The following CACNA2D1 variants were observed in gnomAD, a reference collection of about 807,000 sequenced individuals.
The protein encoded by CACNA2D1 is calcium voltage-gated channel auxiliary subunit alpha2delta 1.
In CACNA2D1, 53 loss-of-function variants were observed where a neutral mutation model predicts 171.5. The observed-to-expected ratio is 0.31, with a 90% CI of 0.25 to 0.39. The LOEUF (loss-of-function observed/expected upper bound fraction) is 0.39, where lower values mean the gene tolerates loss of function less well. Ranked by LOEUF, CACNA2D1 falls within the 10% of genes least tolerant of loss-of-function variation. CACNA2D1 has a pLI of 1.00. For synonymous variants in CACNA2D1, 442 were observed against 443.1 expected, an observed-to-expected ratio of 1.00 and a Z score of 0.03; for missense variants, 903 against 1,299.8, an observed-to-expected ratio of 0.69 and a Z score of 4.69.
intron 4 of CACNA2D1, among the ~76,000 whole-genome samples, chr7:82,158,152 T>C (rs1794559457): frequency 6.6e-6 from 1 of 152,008 alleles, no homozygotes; most frequent in African/African-American, 2.4e-5. Flanking sequence ...TGAGAAATTA[T>C]ATTCTTGCTT....
At chr7:82,375,457 G>A (rs1325682900) in intron 1 of CACNA2D1, among the ~76,000 whole-genome samples, 2 of 152,146 alleles carry the variant, frequency 1.3e-5, no homozygotes, top group Admixed American at 6.6e-5. Context: ...GAGTATGGGG[G>A]TGTAGAAATG....
chr7:81,996,645 GTTAT>G (rs1196154919), intron 19 of CACNA2D1, among the ~76,000 whole-genome samples: 2 of 147,802 alleles, frequency 1.4e-5, no homozygotes, highest in East Asian at 2.0e-4. Context: ...ATCATATAAT[GTTAT>G]TTATTATATA....
rs570995563 is a variant in CACNA2D1 at position 82,097,724 on chromosome 7, G to A, written c.527-12824C>T. Among the ~76,000 whole-genome samples, 128 of 152,260 alleles carry A rather than the reference G, an allele frequency of 8.4e-4. 1 individual carries two copies. In the South Asian group the frequency reaches 0.026, roughly 31 times the overall value. On this transcript the variant is annotated intron_variant, in intron 6 of 38. Transcript: ENST00000356860. ...CCATGAAGTGTATAAGGAAGAATCAGATTTGGGAATCATGTTTCAGTGACA... is the reference window on the plus strand; with the variant it reads ...CCATGAAGTGTATAAGGAAGAATCAAATTTGGGAATCATGTTTCAGTGACA...
At chr7:82,117,237 C>A (rs1789165976) in intron 5 of CACNA2D1, 64 bp from the exon 6 acceptor site, 1 of 1,474,566 alleles carries the variant, frequency 6.8e-7, no homozygotes, top group Non-Finnish European at 9.4e-7. Flanking sequence ...TTCACATGCA[C>A]TTCTTTACTT....
chr7:82,153,765 T>G (rs536909588), intron 4 of CACNA2D1, among the ~76,000 whole-genome samples: 17 of 152,146 alleles, frequency 1.1e-4, no homozygotes, highest in Non-Finnish European at 2.5e-4. Context: ...TGAAAAGTTG[T>G]CAAATTCCTC....
chr7:82,228,218 C>T (rs1048195953), intron 3 of CACNA2D1, among the ~76,000 whole-genome samples: 3 of 152,044 alleles, frequency 2.0e-5, no homozygotes, highest in Non-Finnish European at 4.4e-5. Flanking sequence ...AGGCTTTCTC[C>T]TATTGACTTT....
chr7:81,961,062 T>TCA (rs1170421474), intron 36 of CACNA2D1, among the ~76,000 whole-genome samples: 1 of 151,912 alleles, frequency 6.6e-6, no homozygotes, highest in Non-Finnish European at 1.5e-5. Context: ...TCTGGCACTT[T>TCA]CATAATCTCA....
chr7:82,284,162 A>C (rs1344861869), intron 3 of CACNA2D1, among the ~76,000 whole-genome samples: 1 of 151,366 alleles, frequency 6.6e-6, no homozygotes, highest in Non-Finnish European at 1.5e-5. Flanking sequence ...ACTGTACTCC[A>C]GCCTGGGCAA....
chr7:82,017,855 C>G (rs533983337), intron 12 of CACNA2D1, among the ~76,000 whole-genome samples: 1 of 152,228 alleles, frequency 6.6e-6, no homozygotes, highest in Admixed American at 6.5e-5. Context: ...TTCATCTTAA[C>G]TCTCACTCAA....
At chr7:82,282,557 G>A (rs1000796879) in intron 3 of CACNA2D1, among the ~76,000 whole-genome samples, 1 of 152,066 alleles carries the variant, frequency 6.6e-6, no homozygotes, top group East Asian at 1.9e-4. Flanking sequence ...GAAGGAGGGC[G>A]TGTCTGATTT....
intron 6 of CACNA2D1, among the ~76,000 whole-genome samples, chr7:82,087,516 T>C (rs1810618264): frequency 6.6e-6 from 1 of 150,394 alleles, no homozygotes; most frequent in African/African-American, 2.4e-5. Flanking sequence ...AGGATAAAAC[T>C]GCTTCACTAG....
intron 4 of CACNA2D1, among the ~76,000 whole-genome samples, chr7:82,157,999 T>C (rs1794541842): frequency 6.6e-6 from 1 of 151,910 alleles, no homozygotes; most frequent in Admixed American, 6.6e-5. Context: ...TATGTTTACA[T>C]ATATATATTC....
chr7:82,431,776 A>T (rs1829698622), intron 1 of CACNA2D1, among the ~76,000 whole-genome samples: 1 of 123,158 alleles, frequency 8.1e-6, no homozygotes, highest in African/African-American at 3.6e-5. Flanking sequence ...GCAGTGGCTC[A>T]CGCCTGTAAC....
At chr7:82,137,737 G>C (rs1438467627) in intron 4 of CACNA2D1, among the ~76,000 whole-genome samples, 1 of 82,194 alleles carries the variant, frequency 1.2e-5, no homozygotes, top group African/African-American at 5.4e-5. Context: ...AAAATTAGCC[G>C]GGCGTGGTGG....
intron 10 of CACNA2D1, among the ~76,000 whole-genome samples, chr7:82,041,484 AGAG>A (rs1278142714): frequency 6.6e-6 from 1 of 152,176 alleles, no homozygotes; most frequent in African/African-American, 2.4e-5. Flanking sequence ...CAGGATAATG[AGAG>A]GAGAAGGAAG....
intron 3 of CACNA2D1, among the ~76,000 whole-genome samples, chr7:82,192,087 G>A (rs1798352923): frequency 6.6e-6 from 1 of 151,064 alleles, no homozygotes; most frequent in Non-Finnish European, 1.5e-5. Flanking sequence ...TGTACTATCA[G>A]ATACATAACT....
intron 3 of CACNA2D1, among the ~76,000 whole-genome samples, chr7:82,232,723 G>A (rs1429793018): frequency 1.3e-5 from 2 of 151,706 alleles, no homozygotes; most frequent in African/African-American, 4.8e-5. Flanking sequence ...AATTAGCCGG[G>A]CATGGTGGCA....
intron 3 of CACNA2D1, among the ~76,000 whole-genome samples, chr7:82,316,671 G>A (rs2129435876): frequency 6.6e-6 from 1 of 152,254 alleles, no homozygotes; most frequent in South Asian, 2.1e-4. Flanking sequence ...ATCCAAGACT[G>A]GGTAATTTAT....
intron 1 of CACNA2D1, 80 bp downstream of exon 1, chr7:82,443,285 C>T: frequency 1.4e-6 from 2 of 1,420,722 alleles, no homozygotes; most frequent in Non-Finnish European, 1.9e-6. Flanking sequence ...GGAAAAGCCC[C>T]GCGACTCGGG....
Sources: allele counts gnomAD v4.1 joint callset (sites outside exome capture counted in the v4.1 genomes callset), GRCh38; gene constraint gnomAD v4.1.1; transcripts MANE v1.5; gene names NCBI Gene and HGNC (gene_info 2026-07-23, HGNC 2026-07-21).